Variants in PRKN observed in about 807,000 individuals in gnomAD.
PRKN encodes parkin RBR E3 ubiquitin protein ligase, also known as E3 ubiquitin-protein ligase parkin.
PRKN carries 56 observed loss-of-function variants against 59.5 expected under a neutral mutation model. That is an observed-to-expected ratio of 0.94 (90% CI 0.76 to 1.18). PRKN has a LOEUF of 1.18. PRKN is among the 50% of genes most tolerant of loss of function. The probability of loss-of-function intolerance (pLI) is 0.00; values close to 1 mark genes in which losing one functional copy is unlikely to be tolerated. For synonymous variants in PRKN, 250 were observed against 222.1 expected, an observed-to-expected ratio of 1.13 and a Z score of -1.12; for missense variants, 657 against 596.4, an observed-to-expected ratio of 1.10 and a Z score of -1.06.
rs575399422 is a variant in PRKN, at chr6:162,687,310, C to T, written c.7+40352G>A. On this transcript the variant is annotated intron_variant, in intron 1 of 11. Transcript: ENST00000366898. ...ACGCCATTCTCCTGCCTCAGCCTCC[C>T]GAGTAGCTGGGACTACAGGTGCTCA... is the stretch of plus-strand genomic sequence containing the variant. Among the ~76,000 whole-genome samples the T allele has an allele frequency of 1.5e-4, 23 of 151,728 alleles. 1 individual carries two copies. Among genetic ancestry groups the T allele is most frequent in the Non-Finnish European group, 2.6e-4 (18 of 67,948 alleles).
intron 7 of PRKN, among the ~76,000 whole-genome samples, chr6:161,775,758 A>G (rs1405809084): frequency 6.6e-6 from 1 of 152,178 alleles, no homozygotes. Context: ...CTCCCTAAGT[A>G]GGTGTCTGCA....
At chr6:162,688,364 G>GTATGATGTAGATACACCATGT (rs1777645679) in intron 1 of PRKN, among the ~76,000 whole-genome samples, 1 of 152,150 alleles carries the variant, frequency 6.6e-6, no homozygotes, top group Admixed American at 6.5e-5. Context: ...TCTAGATGGT[G>GTATGATGTAGATACACCATGT]AGAACATGGG....
intron 7 of PRKN, among the ~76,000 whole-genome samples, chr6:161,604,370 C>T (rs373797682): frequency 2.0e-5 from 3 of 152,296 alleles, no homozygotes; most frequent in East Asian, 3.9e-4. Flanking sequence ...CATGAAGCTG[C>T]CTCCAGGAGG....
Position 161,471,102 on chromosome 6 carries a change from C to A in PRKN, c.1083+77752G>T, listed in dbSNP as rs974445797. On this transcript the variant is annotated intron_variant, in intron 9 of 11. Coordinates refer to ENST00000366898, the MANE Select transcript of PRKN (RefSeq NM_004562.3). The surrounding 1 kb of genome is among the most constrained non-coding windows in gnomAD (Gnocchi z 4.5). Reference sequence around the variant, plus strand: ...AACATTGAGATGAGGGCCATGTGAACCCACACTTGTCTTCTTATCCCAGGT... The same window carrying A: ...AACATTGAGATGAGGGCCATGTGAAACCACACTTGTCTTCTTATCCCAGGT... Among the ~76,000 whole-genome samples the A allele has an allele frequency of 1.3e-5, 2 of 152,158 alleles. No individual in the cohort carries two copies. Among genetic ancestry groups the A allele is most frequent in the African/African-American group, 4.8e-5 (2 of 41,440 alleles).
At chr6:162,505,502 G>A (rs2128189011) in intron 1 of PRKN, among the ~76,000 whole-genome samples, 1 of 152,268 alleles carries the variant, frequency 6.6e-6, no homozygotes, top group South Asian at 2.1e-4. Flanking sequence ...GTGGGACGCA[G>A]CAATCCGTGT....
At chr6:162,637,112 C>A (rs1394126523) in intron 1 of PRKN, among the ~76,000 whole-genome samples, 2 of 151,936 alleles carry the variant, frequency 1.3e-5, no homozygotes, top group African/African-American at 4.8e-5. Flanking sequence ...AAAAAAATAG[C>A]CGGGCGTGGT....
intron 1 of PRKN, among the ~76,000 whole-genome samples, chr6:162,486,808 G>A (rs1792560845): frequency 6.6e-6 from 1 of 152,138 alleles, no homozygotes. Context: ...GGTGGCTCAT[G>A]CCTGTAATAC....
intron 5 of PRKN, among the ~76,000 whole-genome samples, chr6:161,988,747 G>A (rs979790355): frequency 6.6e-6 from 1 of 151,972 alleles, no homozygotes; most frequent in African/African-American, 2.4e-5. Flanking sequence ...CAGAGAAGCG[G>A]AACCCAAAAA....
chr6:162,191,514 C>T (rs188572777), intron 4 of PRKN, among the ~76,000 whole-genome samples: 1 of 152,300 alleles, frequency 6.6e-6, no homozygotes, highest in East Asian at 1.9e-4. Flanking sequence ...GCCATCTTGG[C>T]TCACTGAAAC....
At chr6:161,687,388 C>CAAAAAAAAA (rs1192587302) in intron 7 of PRKN, among the ~76,000 whole-genome samples, 1 of 51,558 alleles carries the variant, frequency 1.9e-5, no homozygotes, top group African/African-American at 8.9e-5. Flanking sequence ...GACTCCATCT[C>CAAAAAAAAA]AAAAAAAAAA....
At chr6:162,559,767 C>T (rs1779760593) in intron 1 of PRKN, among the ~76,000 whole-genome samples, 1 of 152,166 alleles carries the variant, frequency 6.6e-6, no homozygotes, top group South Asian at 2.1e-4. Flanking sequence ...TTATTCCTCA[C>T]CAGTATTCCT....
At position 161,584,482 on chromosome 6, in the gene PRKN, G is replaced by T. The variant is rs1397814104; in HGVS notation, c.872-15066C>A. On this transcript the variant is annotated intron_variant, in intron 7 of 11. Transcript: ENST00000366898. The surrounding 1 kb of genome is among the most constrained non-coding windows in gnomAD (Gnocchi z 4.8). ...TATTATAATCTTCATGTGCCAAATT[G>T]GGGGAAAAAACCTTATGGCTGGCCT... 2.0e-5 allele frequency among the ~76,000 whole-genome samples: 3 copies of T among 152,106 alleles called. No individual in the cohort carries two copies. Among genetic ancestry groups the T allele is most frequent in the African/African-American group, 7.2e-5 (3 of 41,410 alleles).
intron 1 of PRKN, among the ~76,000 whole-genome samples, chr6:162,470,809 T>A (rs1225213547): frequency 6.6e-6 from 1 of 152,116 alleles, no homozygotes; most frequent in Non-Finnish European, 1.5e-5. Flanking sequence ...CAGGCTGGAA[T>A]GCAGTGGTGC....
intron 1 of PRKN, among the ~76,000 whole-genome samples, chr6:162,603,023 C>A (rs1195089157): frequency 2.0e-5 from 3 of 152,052 alleles, no homozygotes; most frequent in Non-Finnish European, 4.4e-5. Context: ...CCCAGAAGCT[C>A]CAGGATGCAT....
At chr6:162,315,774 T>C (rs926629270) in intron 2 of PRKN, among the ~76,000 whole-genome samples, 9 of 152,212 alleles carry the variant, frequency 5.9e-5, no homozygotes, top group African/African-American at 2.2e-4. Context: ...ACTGTCATTT[T>C]CCACTCCATC....
chr6:162,250,865 G>A (rs565097947), intron 3 of PRKN, among the ~76,000 whole-genome samples: 1 of 151,718 alleles, frequency 6.6e-6, no homozygotes, highest in Non-Finnish European at 1.5e-5. Context: ...TGATTTTAGG[G>A]CTCTAGTTAT....
intron 6 of PRKN, among the ~76,000 whole-genome samples, chr6:161,956,905 T>G (rs1489817840): frequency 1.3e-5 from 2 of 152,306 alleles, no homozygotes; most frequent in South Asian, 4.1e-4. Context: ...AAGGCCACTT[T>G]CTTGGAAAAT....
At chr6:161,737,798 G>A (rs1252297775) in intron 7 of PRKN, among the ~76,000 whole-genome samples, 2 of 152,160 alleles carry the variant, frequency 1.3e-5, no homozygotes, top group African/African-American at 4.8e-5. Context: ...AAAAGCAATC[G>A]CTGTTCAGGG....
chr6:161,877,108 C>G (rs1441887513), intron 6 of PRKN, among the ~76,000 whole-genome samples: 1 of 152,166 alleles, frequency 6.6e-6, no homozygotes, highest in African/African-American at 2.4e-5. Flanking sequence ...CCGACCTTCC[C>G]TCTTGCACAG....
Sources: allele counts gnomAD v4.1 joint callset (sites outside exome capture counted in the v4.1 genomes callset), GRCh38; gene constraint gnomAD v4.1.1; non-coding constraint Gnocchi (gnomAD v3.1); transcripts MANE v1.5; gene names NCBI Gene and HGNC (gene_info 2026-07-23, HGNC 2026-07-21).